STX5: variants seen among roughly 807,000 people sequenced by gnomAD.
The protein encoded by STX5 is syntaxin 5, also known as syntaxin-5.
Under a neutral mutation model 42.9 loss-of-function variants are expected in STX5, and 15 were observed. That is an observed-to-expected ratio of 0.35 (90% CI 0.23 to 0.54). STX5 has a LOEUF of 0.54. Among genes scored for constraint, STX5 ranks in the 20% least tolerant of loss-of-function variants. The probability of loss-of-function intolerance (pLI) is 0.91; values close to 1 mark genes in which losing one functional copy is unlikely to be tolerated. For synonymous variants in STX5, 184 were observed against 173.2 expected, an observed-to-expected ratio of 1.06 and a Z score of -0.49; for missense variants, 430 against 455.0, an observed-to-expected ratio of 0.95 and a Z score of 0.50.
chr11:62,820,119 C>T (rs185344577), intron 10 of STX5, among the ~76,000 whole-genome samples: 145 of 151,664 alleles, frequency 9.6e-4, no homozygotes, highest in Admixed American at 3.2e-3. Context: ...GCCTGTAATC[C>T]CAGAACTTTG....
intron 5 of STX5, 115 bp downstream of exon 5, chr11:62,827,040 A>AC (rs1371327270): frequency 2.2e-5 from 19 of 882,576 alleles, no homozygotes; most frequent in East Asian, 1.6e-4. Flanking sequence ...ACACAGTGAG[A>AC]CCCCCCTCTC....
chr11:62,809,041 C>A (rs905461755), intron 10 of STX5, among the ~76,000 whole-genome samples: 4 of 152,176 alleles, frequency 2.6e-5, no homozygotes, highest in African/African-American at 4.8e-5. Flanking sequence ...GTAATCCCAG[C>A]ACTTTGGGAG....
chr11:62,828,849 G>A (rs373248199), intron 2 of STX5, among the ~76,000 whole-genome samples: 1 of 151,944 alleles, frequency 6.6e-6, no homozygotes, highest in East Asian at 1.9e-4. Flanking sequence ...AGCAGATCAC[G>A]AGGTCAAGAG....
intron 2 of STX5, 138 bp from the exon 3 acceptor site, chr11:62,827,769 C>T (rs1489904212): frequency 9.5e-6 from 8 of 843,272 alleles, no homozygotes; most frequent in African/African-American, 1.7e-5. Context: ...GAGTGGTAGT[C>T]GTTTAGAGTC....
At chr11:62,812,164 G>A (rs1300613682) in intron 10 of STX5, among the ~76,000 whole-genome samples, 4 of 133,560 alleles carry the variant, frequency 3.0e-5, no homozygotes, top group Non-Finnish European at 4.6e-5. Context: ...AGCAACCTCC[G>A]CCTCCCGGGT....
Position 62,831,114 on chromosome 11 carries a change from G to A in STX5, c.130C>T (p.Pro44Ser), listed in dbSNP as rs377028720. 9.6e-6 allele frequency: 15 copies of A among 1,555,144 alleles called. No homozygotes were observed. The highest frequency in any genetic ancestry group is 1.3e-5 in the Non-Finnish European group (15 of 1,149,440). Residue 44 changes from proline (P) to serine (S), a missense_variant, in exon 2 of 11, where the codon CCA (proline) becomes TCA (serine). Pro to Ser is a moderately conservative substitution (Grantham distance 74, BLOSUM62 -1). Transcript: ENST00000294179. Reference sequence around the variant, plus strand: ...GGAGGGGGAGGGACGAGGGTCACTGGGGGGGGCAGAGGGGCGATGTCGCTG... The same window carrying A: ...GGAGGGGGAGGGACGAGGGTCACTGAGGGGGGCAGAGGGGCGATGTCGCTG... ...SSSDIAPLPP[P>S]VTLVPPPPDT...
At chr11:62,824,054 G>A in intron 10 of STX5, 112 bp downstream of exon 10, 1 of 1,537,058 alleles carries the variant, frequency 6.5e-7, no homozygotes, top group Non-Finnish European at 8.8e-7. Flanking sequence ...CCATGGGTGG[G>A]CAGAATTCAC....
intron 10 of STX5, among the ~76,000 whole-genome samples, chr11:62,820,944 G>GTTTTATTTCAA (rs1284498293): frequency 6.6e-6 from 1 of 152,026 alleles, no homozygotes; most frequent in Non-Finnish European, 1.5e-5. Flanking sequence ...TTGAGTTTCT[G>GTTTTATTTCAA]TTTTATTTCA....
Position 62,831,089 on chromosome 11 carries a change from G to A in STX5, c.155C>T (p.Pro52Leu). 6.4e-7 allele frequency: 1 copy of A among 1,555,792 alleles called. No individual in the cohort carries two copies. Residue 52 changes from proline to leucine, a missense_variant, in exon 2 of 11, where the codon CCC becomes CTC. By Grantham distance (98) the Pro-to-Leu change is moderately conservative (BLOSUM62 -3). Coordinates refer to ENST00000294179, the MANE Select transcript of STX5 (RefSeq NM_003164.5). ...PPPVTLVPPP[P>L]DTMSCRDRTQ... ...CCGATCCCGGCAGGACATGGTGTCG[G>A]GAGGGGGAGGGACGAGGGTCACTGG... is the stretch of plus-strand genomic sequence containing the variant.
intron 2 of STX5, among the ~76,000 whole-genome samples, chr11:62,828,619 A>G (rs1365967374): frequency 1.3e-5 from 2 of 152,100 alleles, no homozygotes; most frequent in African/African-American, 2.4e-5. Flanking sequence ...CCAGCTACTC[A>G]GCAGGCTGAG....
chr11:62,826,248 C>T (rs2084794418), intron 5 of STX5, among the ~76,000 whole-genome samples: 1 of 146,290 alleles, frequency 6.8e-6, no homozygotes, highest in Admixed American at 6.7e-5. Context: ...AGTGAGACTC[C>T]GTCTTAAAAA....
chr11:62,814,148 G>A (rs2084647315), intron 10 of STX5, among the ~76,000 whole-genome samples: 1 of 152,096 alleles, frequency 6.6e-6, no homozygotes, highest in Non-Finnish European at 1.5e-5. Flanking sequence ...CTATAGCGAT[G>A]CTCAGAAAAG....
chr11:62,816,420 C>T (rs1425432559), intron 10 of STX5, among the ~76,000 whole-genome samples: 1 of 152,082 alleles, frequency 6.6e-6, no homozygotes, highest in Non-Finnish European at 1.5e-5. Flanking sequence ...ATAGCTAGGA[C>T]TACAGGCATG....
At chr11:62,815,228 G>C (rs1249949860) in intron 10 of STX5, among the ~76,000 whole-genome samples, 1 of 152,000 alleles carries the variant, frequency 6.6e-6, no homozygotes, top group African/African-American at 2.4e-5. Context: ...AGATGGTCTT[G>C]ATCTCTTGAG....
chr11:62,821,385 T>C (rs749394012), intron 10 of STX5, among the ~76,000 whole-genome samples: 7 of 152,122 alleles, frequency 4.6e-5, no homozygotes, highest in Non-Finnish European at 8.8e-5. Context: ...GTTGTATCTA[T>C]GTACTTTACA....
chr11:62,819,220 G>GAAAAAAAAAAAAAAAAAAAA (rs57390432), intron 10 of STX5, among the ~76,000 whole-genome samples: 1 of 29,600 alleles, frequency 3.4e-5, no homozygotes, highest in Non-Finnish European at 5.4e-5. Context: ...GACTCTGTCT[G>GAAAAAAAAAAAAAAAAAAAA]AAAAAAAAAA....
chr11:62,825,416 G>A lies in STX5; in HGVS notation c.540+7C>T, dbSNP rs766337422. ...TTTGCCTCCCTCCCTTCCTCCCCAG[G>A]TCCCACCTGCAAGGAGACCACAATG... On this transcript the variant is annotated splice_region_variant and intron_variant, in intron 6 of 10. Transcript: ENST00000294179. 6.2e-7 allele frequency: 1 copy of A among 1,614,044 alleles called. No individual in the cohort carries two copies. The highest frequency in any genetic ancestry group is 1.3e-5 in the African/African-American group (1 of 75,020).
chr11:62,818,799 G>A (rs1348577485), intron 10 of STX5, among the ~76,000 whole-genome samples: 2 of 151,512 alleles, frequency 1.3e-5, no homozygotes, highest in African/African-American at 4.8e-5. Flanking sequence ...AGCCATGATC[G>A]TGCCACTGCA....
intron 10 of STX5, among the ~76,000 whole-genome samples, chr11:62,811,633 G>A (rs2084617777): frequency 6.6e-6 from 1 of 151,078 alleles, no homozygotes; most frequent in Non-Finnish European, 1.5e-5. Flanking sequence ...TCTAGGAGCA[G>A]TACCTACTCT....
Sources: allele counts gnomAD v4.1 joint callset (sites outside exome capture counted in the v4.1 genomes callset), GRCh38; gene constraint gnomAD v4.1.1; transcripts MANE v1.5; gene names NCBI Gene and HGNC (gene_info 2026-07-23, HGNC 2026-07-21).